Variants in ESRP1 observed in about 807,000 individuals in gnomAD.
ESRP1 encodes RNA-binding motif protein 35A.
A neutral mutation model predicts 81.7 loss-of-function variants in ESRP1; 33 were observed. The ratio of observed to expected loss-of-function variants is 0.40; its 90% CI spans 0.31 to 0.54. The LOEUF (loss-of-function observed/expected upper bound fraction) is 0.54, where lower values mean the gene tolerates loss of function less well. Ranked by LOEUF, ESRP1 falls within the 20% of genes least tolerant of loss-of-function variation. The pLI is 0.41. For synonymous variants in ESRP1, 320 were observed against 303.3 expected (o/e 1.06, Z -0.57); for missense variants, 672 against 833.1 (o/e 0.81, Z 2.38).
intron 4 of ESRP1, among the ~76,000 whole-genome samples, chr8:94,654,526 T>C (rs1818305728): frequency 6.6e-6 from 1 of 152,226 alleles, no homozygotes. Flanking sequence ...TAGGGTATAA[T>C]TGACTTACTA....
rs559981643 is a variant in ESRP1, at chr8:94,651,154, C to T, written c.490+4872C>T. ...GGTGAGGGAAAGCAATGAGGCCTTGCATTTAAAAAAACAGTATGTGGAACT... is the reference window on the plus strand; with the variant it reads ...GGTGAGGGAAAGCAATGAGGCCTTGTATTTAAAAAAACAGTATGTGGAACT... On this transcript the variant is annotated intron_variant, in intron 4 of 15. Transcript: ENST00000433389. Among the ~76,000 whole-genome samples, 25 of 149,736 alleles carry T rather than the reference C, an allele frequency of 1.7e-4. 1 individual carries two copies. The South Asian group carries it at 4.8e-3, about 29-fold the overall frequency.
chr8:94,659,773 G>A (rs999761517), intron 4 of ESRP1, among the ~76,000 whole-genome samples: 1 of 152,190 alleles, frequency 6.6e-6, no homozygotes, highest in Non-Finnish European at 1.5e-5. Flanking sequence ...AGAAGGCTGG[G>A]TACCACTTGT....
intron 13 of ESRP1, among the ~76,000 whole-genome samples, chr8:94,686,005 T>C (rs933477013): frequency 2.0e-4 from 30 of 152,204 alleles, no homozygotes; most frequent in African/African-American, 7.2e-4. Flanking sequence ...TGGAGTGCAG[T>C]GGTGCAATCT....
At chr8:94,670,426 C>T (rs1819257479) in intron 10 of ESRP1, among the ~76,000 whole-genome samples, 2 of 152,130 alleles carry the variant, frequency 1.3e-5, no homozygotes, top group South Asian at 4.2e-4. Context: ...CATGCCGTTT[C>T]TCTGGTGGTG....
Position 94,664,935 on chromosome 8 carries a change from C to G in ESRP1, c.764C>G (p.Ala255Gly). ...FKGLNIAKGGAALCLNAQGRR... is the reference protein window; with the variant it reads ...FKGLNIAKGGGALCLNAQGRR... ...TTTTATTATTCTCAAAGGGGAGGTG[C>G]AGCACTTTGTCTGAATGCTCAGGGT... Residue 255 changes from alanine (A) to glycine (G), a missense_variant, in exon 8 of 16, where the codon GCA (alanine) becomes GGA (glycine). Coordinates refer to ENST00000433389, the MANE Select transcript of ESRP1 (RefSeq NM_017697.4). 1 of 1,612,776 alleles carries G rather than the reference C, an allele frequency of 6.2e-7. No individual in the cohort carries two copies. Among genetic ancestry groups the G allele is most frequent in the African/African-American group, 1.3e-5 (1 of 74,574 alleles).
At position 94,702,424 on chromosome 8, in the gene ESRP1, G is replaced by A. The variant is rs540519580; in HGVS notation, c.*36-3501G>A. Among the ~76,000 whole-genome samples, 26 of 152,200 alleles carry A rather than the reference G, an allele frequency of 1.7e-4. No individual in the cohort carries two copies. In the East Asian group the frequency reaches 3.5e-3, roughly 20 times the overall value. ...ACACAGTATTTACCTCTGTCTGGAC[G>A]GTTACCAGTTAATTACATGAAAAAA... is the stretch of plus-strand genomic sequence containing the variant. On this transcript the variant is annotated intron_variant, in intron 15 of 15. Coordinates refer to ENST00000433389, the MANE Select transcript of ESRP1 (RefSeq NM_017697.4).
intron 15 of ESRP1, among the ~76,000 whole-genome samples, chr8:94,700,192 T>C (rs567937585): frequency 6.6e-6 from 1 of 152,352 alleles, no homozygotes; most frequent in East Asian, 1.9e-4. Context: ...GTGCTTCCAG[T>C]GGACTGCATG....
At position 94,641,246 on chromosome 8, in the gene ESRP1, G is replaced by A; in HGVS notation, c.-73G>A. 6.9e-7 allele frequency: 1 copy of A among 1,457,188 alleles called. No homozygotes were observed. The highest frequency in any genetic ancestry group is 1.4e-5 in the African/African-American group (1 of 71,324). The allele number at this position is 1,457,188 out of a possible 1,614,324, so 90.3% of individuals were successfully genotyped here. On this transcript the variant is annotated 5_prime_UTR_variant, in exon 1 of 16. Coordinates refer to ENST00000433389, the MANE Select transcript of ESRP1 (RefSeq NM_017697.4). Reference sequence around the variant, plus strand: ...TTCTCTTAGAAGAGGGTTTAGCACAGGTTTTTTCGTTCTCACTTCCACACC... The same window carrying A: ...TTCTCTTAGAAGAGGGTTTAGCACAAGTTTTTTCGTTCTCACTTCCACACC...
At chr8:94,653,142 G>GA (rs34301115) in intron 4 of ESRP1, among the ~76,000 whole-genome samples, 104,845 of 151,086 alleles carry the variant, frequency 0.69, 36,708 homozygotes, top group East Asian at 0.95. Flanking sequence ...CCATTATCAG[G>GA]AAAAAAAAAT....
At chr8:94,686,200 AT>A (rs1809133493) in intron 13 of ESRP1, among the ~76,000 whole-genome samples, 1 of 152,200 alleles carries the variant, frequency 6.6e-6, no homozygotes. Context: ...AAGTGCTGGG[AT>A]TACAGGCATG....
chr8:94,643,310 A>G lies in ESRP1; in HGVS notation c.269A>G (p.Gln90Arg), dbSNP rs778878601. Residue 90 changes from glutamine to arginine, a missense_variant, in exon 3 of 16, where the codon CAG becomes CGG. Coordinates refer to ENST00000433389, the MANE Select transcript of ESRP1 (RefSeq NM_017697.4). ...QLDQALRQFN[Q>R]SVSNELNIGV... ...TGTATCTTGTTCTTGCAGTTTAACC[A>G]GTCAGTGAGCAATGAACTGAATATT... 6.2e-7 allele frequency: 1 copy of G among 1,606,776 alleles called. No individual in the cohort carries two copies. Among genetic ancestry groups the G allele is most frequent in the Non-Finnish European group, 8.5e-7 (1 of 1,173,336 alleles).
chr8:94,653,619 G>A (rs1463733734), intron 4 of ESRP1, among the ~76,000 whole-genome samples: 1 of 152,104 alleles, frequency 6.6e-6, no homozygotes. Context: ...AACCTTATGT[G>A]AGACTAGAGG....
intron 12 of ESRP1, 140 bp from the exon 13 acceptor site, chr8:94,678,063 A>T: frequency 2.4e-6 from 2 of 817,878 alleles, no homozygotes; most frequent in Non-Finnish European, 3.7e-6. Context: ...AATCAAAAGG[A>T]AATTGCTTGG....
chr8:94,692,053 C>A (rs1053804069), intron 13 of ESRP1, among the ~76,000 whole-genome samples: 1 of 151,976 alleles, frequency 6.6e-6, no homozygotes, highest in Admixed American at 6.6e-5. Flanking sequence ...ACCGGAAGAC[C>A]CACTCATCAA....
Position 94,646,168 on chromosome 8 carries a change from A to G in ESRP1, c.376A>G (p.Asn126Asp). 1 of 1,575,022 alleles carries G rather than the reference A, an allele frequency of 6.3e-7. No homozygotes were observed. The highest frequency in any genetic ancestry group is 8.7e-7 in the Non-Finnish European group (1 of 1,147,810). The change falls in exon 4 of 16, where the codon AAT becomes GAT. Residue 126 changes from asparagine (N) to aspartate (D), a missense_variant and splice_region_variant. By Grantham distance (23) the Asn-to-Asp change is conservative. Coordinates refer to ENST00000433389, the MANE Select transcript of ESRP1 (RefSeq NM_017697.4). ...QILHPEASKK[N>D]VLLPECFYSF... is the part of the protein sequence containing the mutation. ...CATTATCTACCTTGTCCTTCCTCAGAATGTACTATTACCTGAATGCTTCTA... is the reference window on the plus strand; with the variant it reads ...CATTATCTACCTTGTCCTTCCTCAGGATGTACTATTACCTGAATGCTTCTA...
At chr8:94,668,302 A>G (rs748731871) in intron 10 of ESRP1, 52 bp downstream of exon 10, 64 of 1,464,508 alleles carry the variant, frequency 4.4e-5, no homozygotes, top group Non-Finnish European at 5.7e-5. Flanking sequence ...TCTGTTCTTT[A>G]TCTCTGAAAA....
At chr8:94,653,436 A>G (rs1218454268) in intron 4 of ESRP1, among the ~76,000 whole-genome samples, 1 of 152,190 alleles carries the variant, frequency 6.6e-6, no homozygotes, top group African/African-American at 2.4e-5. Context: ...GTGTGCTGCC[A>G]CTTAGCTGGT....
At chr8:94,642,161 C>T (rs1228890281) in intron 2 of ESRP1, 77 bp downstream of exon 2, 8 of 1,525,910 alleles carry the variant, frequency 5.2e-6, no homozygotes, top group Middle Eastern at 2.4e-4. Context: ...CAGGGCGGCC[C>T]ACGCGTGTTC....
At chr8:94,684,269 G>C (rs1256348980) in intron 13 of ESRP1, among the ~76,000 whole-genome samples, 32 of 152,186 alleles carry the variant, frequency 2.1e-4, no homozygotes, top group Admixed American at 1.2e-3. Flanking sequence ...CTATTTATTT[G>C]TTTGGTTCCT....
Sources: gnomAD v4.1 joint callset for allele counts (sites outside exome capture counted in the v4.1 genomes callset) on GRCh38, gnomAD v4.1.1 for gene constraint, MANE v1.5 for transcripts, NCBI Gene and HGNC (gene_info 2026-07-23, HGNC 2026-07-21) for gene names.